Variants in MTUS2 observed in about 807,000 individuals in gnomAD.
The protein encoded by MTUS2 is microtubule-associated tumor suppressor candidate 2.
A neutral mutation model predicts 114.1 loss-of-function variants in MTUS2; 40 were observed. That is an observed-to-expected ratio of 0.35 (90% CI 0.27 to 0.46). MTUS2 has a LOEUF of 0.46. Among genes scored for constraint, MTUS2 ranks in the 20% least tolerant of loss-of-function variants. MTUS2 has a pLI of 1.00. For missense variants in MTUS2, 1,679 were observed against 1,705.4 expected (o/e 0.98, Z 0.27); for synonymous variants, 688 against 672.0 (o/e 1.02, Z -0.37).
chr13:29,092,720 C>G (rs1399237184), intron 4 of MTUS2, among the ~76,000 whole-genome samples: 2 of 151,166 alleles, frequency 1.3e-5, no homozygotes, highest in African/African-American at 4.9e-5. Context: ...AAGTGAGGCC[C>G]TGGGCAGAGA....
intron 5 of MTUS2, among the ~76,000 whole-genome samples, chr13:29,110,415 G>A (rs2138860090): frequency 6.6e-6 from 1 of 152,342 alleles, no homozygotes; most frequent in East Asian, 1.9e-4. Flanking sequence ...AAAAAGAGAA[G>A]AGTGAGAACA....
intron 6 of MTUS2, among the ~76,000 whole-genome samples, chr13:29,289,222 G>A (rs1008739501): frequency 1.3e-5 from 2 of 152,158 alleles, no homozygotes; most frequent in African/African-American, 2.4e-5. Flanking sequence ...TGTAAAAACA[G>A]CAAAGTTCAA....
chr13:29,386,110 A>G (rs1872613399), intron 8 of MTUS2, among the ~76,000 whole-genome samples: 1 of 152,238 alleles, frequency 6.6e-6, no homozygotes. Context: ...TGCATTACTC[A>G]ATCCATGCAA....
intron 6 of MTUS2, among the ~76,000 whole-genome samples, chr13:29,298,886 A>G (rs965004429): frequency 2.6e-5 from 4 of 152,184 alleles, no homozygotes; most frequent in Non-Finnish European, 5.9e-5. Flanking sequence ...GGTCAAAGCA[A>G]TTAGGCTGCA....
At chr13:29,469,746 G>A (rs1401931882) in intron 9 of MTUS2, among the ~76,000 whole-genome samples, 1 of 151,974 alleles carries the variant, frequency 6.6e-6, no homozygotes, top group Non-Finnish European at 1.5e-5. Flanking sequence ...GTTACAGGCT[G>A]CAGTGAGTCA....
chr13:29,059,329 G>C (rs1372859441), intron 4 of MTUS2, among the ~76,000 whole-genome samples: 1 of 136,636 alleles, frequency 7.3e-6, no homozygotes, highest in Non-Finnish European at 1.5e-5. Flanking sequence ...AAGCTAGTTT[G>C]CTCCTACGTC....
chr13:29,438,728 C>T (rs1200279991), intron 8 of MTUS2, among the ~76,000 whole-genome samples: 1 of 152,162 alleles, frequency 6.6e-6, no homozygotes, highest in Non-Finnish European at 1.5e-5. Context: ...AGATCTATTG[C>T]TGCATTTTCT....
At chr13:29,052,848 C>T (rs1055983292) in intron 4 of MTUS2, among the ~76,000 whole-genome samples, 5 of 152,068 alleles carry the variant, frequency 3.3e-5, no homozygotes, top group African/African-American at 9.7e-5. Context: ...TGGGGAGGGA[C>T]CAGGTGGAGA....
intron 2 of MTUS2, among the ~76,000 whole-genome samples, chr13:28,877,363 G>C (rs1334790008): frequency 1.3e-5 from 2 of 150,858 alleles, no homozygotes; most frequent in Non-Finnish European, 3.0e-5. Context: ...GTAGCCCGTT[G>C]TTATTTCGCT....
intron 9 of MTUS2, among the ~76,000 whole-genome samples, chr13:29,456,948 T>C (rs187000837): frequency 6.5e-4 from 99 of 151,570 alleles, no homozygotes; most frequent in Non-Finnish European, 1.2e-3. Context: ...CCATCCTGGC[T>C]AACATGGTGA....
At chr13:29,175,328 T>C (rs1893726039) in intron 5 of MTUS2, among the ~76,000 whole-genome samples, 1 of 152,212 alleles carries the variant, frequency 6.6e-6, no homozygotes, top group African/African-American at 2.4e-5. Flanking sequence ...TGGGATTTCA[T>C]TCTATTTACT....
intron 2 of MTUS2, among the ~76,000 whole-genome samples, chr13:29,017,399 A>G (rs1886110953): frequency 1.3e-5 from 2 of 152,224 alleles, no homozygotes; most frequent in Non-Finnish European, 2.9e-5. Flanking sequence ...GGTTGAATGT[A>G]CATATGAAAA....
At chr13:28,975,268 TA>T (rs149196226) in intron 2 of MTUS2, among the ~76,000 whole-genome samples, 6,522 of 152,344 alleles carry the variant, frequency 0.043, 201 homozygotes, top group Non-Finnish European at 0.07. Context: ...CTCTTGATTC[TA>T]AAAATCACTT....
At chr13:28,855,903 G>A (rs777546183) in intron 2 of MTUS2, among the ~76,000 whole-genome samples, 5 of 152,096 alleles carry the variant, frequency 3.3e-5, no homozygotes, top group Admixed American at 6.5e-5. Context: ...GTGTAAAAGC[G>A]TTCCTATTTC....
At chr13:28,919,452 G>A (rs1316714744) in intron 2 of MTUS2, among the ~76,000 whole-genome samples, 1 of 151,832 alleles carries the variant, frequency 6.6e-6, no homozygotes, top group Non-Finnish European at 1.5e-5. Context: ...ACATATTGGA[G>A]CTCCATTTTA....
At chr13:29,249,467 A>G (rs1897046880) in intron 5 of MTUS2, among the ~76,000 whole-genome samples, 1 of 152,144 alleles carries the variant, frequency 6.6e-6, no homozygotes, top group African/African-American at 2.4e-5. Context: ...CCTCACCAGC[A>G]TCTGTTGTTT....
rs9551655 is a variant in MTUS2 at position 29,346,301 on chromosome 13, G to A, written c.2906-12961G>A. Among the ~76,000 whole-genome samples the A allele has an allele frequency of 1.2e-4, 18 of 152,198 alleles. No homozygotes were observed. In the East Asian group the frequency reaches 2.9e-3, roughly 25 times the overall value. ...TTCTTTGTCTTCAGCTACCAGGGTG[G>A]GTAGAGAAAGACCATCAGGTGGGGG... On this transcript the variant is annotated intron_variant, in intron 7 of 15. Coordinates refer to ENST00000612955, the MANE Select transcript of MTUS2 (RefSeq NM_001033602.4).
intron 5 of MTUS2, among the ~76,000 whole-genome samples, chr13:29,188,630 C>T (rs569987360): frequency 6.6e-6 from 1 of 152,318 alleles, no homozygotes; most frequent in South Asian, 2.1e-4. Context: ...CTAAAAGACC[C>T]TCAGGCCACT....
chr13:29,302,028 C>G (rs1010307604), intron 6 of MTUS2, among the ~76,000 whole-genome samples: 1 of 152,180 alleles, frequency 6.6e-6, no homozygotes, highest in Non-Finnish European at 1.5e-5. Flanking sequence ...AAAGGCCCCA[C>G]CTTCCATACC....
Sources: gnomAD v4.1 joint callset for allele counts (sites outside exome capture counted in the v4.1 genomes callset) on GRCh38, gnomAD v4.1.1 for gene constraint, MANE v1.5 for transcripts, NCBI Gene and HGNC (gene_info 2026-07-23, HGNC 2026-07-21) for gene names.